CLASP1: variants seen among roughly 807,000 people sequenced by gnomAD.
CLASP1 encodes the protein CLIP-associating protein 1.
A neutral mutation model predicts 192.3 loss-of-function variants in CLASP1; 38 were observed. That is an observed-to-expected ratio of 0.20 (90% confidence interval 0.15 to 0.26). The LOEUF (loss-of-function observed/expected upper bound fraction) is 0.26. Ranked by LOEUF, CLASP1 falls within the 10% of genes least tolerant of loss-of-function variation. The probability of loss-of-function intolerance (pLI) is 1.00; values close to 1 mark genes in which losing one functional copy is unlikely to be tolerated. For missense variants in CLASP1, 1,433 were observed against 1,932.5 expected (o/e 0.74, Z 4.85); for synonymous variants, 691 against 712.8 (o/e 0.97, Z 0.49).
Position 121,513,172 on chromosome 2 carries a change from C to T in CLASP1, c.644+2493G>A, listed in dbSNP as rs2094187854. Reference sequence around the variant, plus strand: ...CCTCAGAGTTCTAGATCTTAGGTAACTGTCTTGTAGTAAATGCAAGGAAAC... The same window carrying T: ...CCTCAGAGTTCTAGATCTTAGGTAATTGTCTTGTAGTAAATGCAAGGAAAC... On this transcript the variant is annotated intron_variant, in intron 7 of 39. Transcript: ENST00000263710. 3 of 152,186 alleles carry T rather than the reference C, an allele frequency of 2.0e-5. No individual in the cohort carries two copies. In the South Asian group the frequency reaches 6.2e-4, roughly 32 times the overall value. The allele number at this position is 152,186 out of a possible 1,614,324, so 9.4% of individuals were successfully genotyped here.
intron 30 of CLASP1, among the ~76,000 whole-genome samples, chr2:121,393,772 C>T (rs1443501234): frequency 6.6e-6 from 1 of 151,810 alleles, no homozygotes; most frequent in Non-Finnish European, 1.5e-5. Flanking sequence ...TAATACTGTC[C>T]TATGATACAT....
chr2:121,578,831 G>A (rs2060827195), intron 2 of CLASP1, among the ~76,000 whole-genome samples: 1 of 151,380 alleles, frequency 6.6e-6, no homozygotes, highest in Non-Finnish European at 1.5e-5. Flanking sequence ...GTGACAGTAA[G>A]AGGAATTAAA....
rs148306674 is a variant in CLASP1 at position 121,610,622 on chromosome 2, TGGA to T, written c.-285-4445_-285-4443del. 1.4e-3 allele frequency among the ~76,000 whole-genome samples: 99 copies of T among 72,660 alleles called. 1 individual carries two copies. The highest frequency in any genetic ancestry group is 1.3e-3 in the Non-Finnish European group (46 of 35,992). 47.7% of individuals were successfully genotyped at this position (72,660 alleles called of 152,430 possible). On this transcript the variant is annotated intron_variant, in intron 1 of 39. Transcript: ENST00000263710. ...GAGGAGTTGCAGGAGGAAGAGGAAC[TGGA>T]GGAGGAGGAGGAGTTACAGGAGGAA...
intron 2 of CLASP1, among the ~76,000 whole-genome samples, chr2:121,543,570 C>T (rs1456809539): frequency 3.3e-5 from 5 of 152,076 alleles, no homozygotes; most frequent in African/African-American, 7.2e-5. Flanking sequence ...GCCCCCAGCG[C>T]GCCAACAGGA....
At chr2:121,518,231 C>CAAAAAA (rs35409200) in intron 6 of CLASP1, among the ~76,000 whole-genome samples, 5 of 49,584 alleles carry the variant, frequency 1.0e-4, no homozygotes, top group Admixed American at 2.4e-4. Context: ...ACCCCCGTCT[C>CAAAAAA]AAAAAAAAAA....
intron 6 of CLASP1, among the ~76,000 whole-genome samples, chr2:121,525,405 C>G (rs2094552269): frequency 6.6e-6 from 1 of 152,144 alleles, no homozygotes; most frequent in Non-Finnish European, 1.5e-5. Flanking sequence ...GAGCCACCCC[C>G]CAAAGCAAAA....
chr2:121,430,168 C>T (rs150410557), exon 20 of CLASP1: 34 of 1,565,162 alleles, frequency 2.2e-5, no homozygotes, highest in East Asian at 9.5e-5. Flanking sequence ...CCGTCTTGTG[C>T]GGATCCGACC....
intron 19 of CLASP1, among the ~76,000 whole-genome samples, chr2:121,440,544 T>C (rs189195112): frequency 1.2e-4 from 19 of 152,094 alleles, no homozygotes; most frequent in Admixed American, 9.2e-4. Context: ...CACAAAAAAT[T>C]AGCAGGGCAT....
intron 1 of CLASP1, among the ~76,000 whole-genome samples, chr2:121,638,001 A>G (rs899345321): frequency 6.6e-6 from 1 of 152,188 alleles, no homozygotes; most frequent in East Asian, 1.9e-4. Context: ...AAAAGAGGAC[A>G]TTATCAAGAA....
chr2:121,611,898 G>A (rs2065617311), intron 1 of CLASP1, among the ~76,000 whole-genome samples: 1 of 149,388 alleles, frequency 6.7e-6, no homozygotes, highest in Admixed American at 6.7e-5. Flanking sequence ...AGGAGTCACA[G>A]AAGGAAGAGG....
chr2:121,548,581 A>T (rs183574288), intron 2 of CLASP1, among the ~76,000 whole-genome samples: 1 of 152,198 alleles, frequency 6.6e-6, no homozygotes, highest in South Asian at 2.1e-4. Flanking sequence ...GATGCTACAC[A>T]TGAAGATCAC....
At chr2:121,407,829 GCA>G (rs772352211) in intron 24 of CLASP1, 114 bp from the exon 26 acceptor site, 10 of 1,145,124 alleles carry the variant, frequency 8.7e-6, no homozygotes, top group African/African-American at 7.6e-5. Flanking sequence ...AAAGACACAT[GCA>G]CACACACACT....
chr2:121,620,359 CT>C (rs966636879), intron 1 of CLASP1, among the ~76,000 whole-genome samples: 3 of 150,868 alleles, frequency 2.0e-5, no homozygotes, highest in African/African-American at 7.3e-5. Flanking sequence ...TACTAAGCTT[CT>C]TTTTTTTTGA....
At chr2:121,526,305 G>A (rs949418039) in intron 5 of CLASP1, among the ~76,000 whole-genome samples, 7 of 152,318 alleles carry the variant, frequency 4.6e-5, no homozygotes, top group East Asian at 3.9e-4. Context: ...TAATTCTCCC[G>A]TGTGCTGTGG....
At chr2:121,439,416 T>G (rs2082873948) in intron 19 of CLASP1, among the ~76,000 whole-genome samples, 1 of 152,178 alleles carries the variant, frequency 6.6e-6, no homozygotes, top group Admixed American at 6.5e-5. Flanking sequence ...TTAATTGTGA[T>G]GTTAGGGTGT....
chr2:121,488,242 T>C (rs754462207), intron 8 of CLASP1, among the ~76,000 whole-genome samples: 5 of 152,232 alleles, frequency 3.3e-5, no homozygotes, highest in African/African-American at 7.2e-5. Flanking sequence ...AGATCAACTA[T>C]ATTATTTTAA....
intron 2 of CLASP1, among the ~76,000 whole-genome samples, chr2:121,599,012 G>A (rs185945924): frequency 3.9e-5 from 6 of 152,062 alleles, no homozygotes; most frequent in Admixed American, 1.3e-4. Flanking sequence ...CTATACGTGC[G>A]TGCCACCACG....
chr2:121,648,739 C>A (rs1397649480), intron 1 of CLASP1, among the ~76,000 whole-genome samples: 1 of 152,210 alleles, frequency 6.6e-6, no homozygotes, highest in Non-Finnish European at 1.5e-5. Context: ...AGGCTTAACT[C>A]AGCACTTGTT....
At chr2:121,572,469 A>G (rs777050285) in intron 2 of CLASP1, among the ~76,000 whole-genome samples, 24 of 152,164 alleles carry the variant, frequency 1.6e-4, no homozygotes, top group Non-Finnish European at 3.1e-4. Context: ...CTTTTCTGCC[A>G]TTTTCAAATA....
Sources: allele counts gnomAD v4.1 joint callset (sites outside exome capture counted in the v4.1 genomes callset), GRCh38; gene constraint gnomAD v4.1.1; transcripts MANE v1.5; gene names NCBI Gene and HGNC (gene_info 2026-07-23, HGNC 2026-07-21).